The following ZBTB41 variants were observed in gnomAD, a reference collection of about 807,000 sequenced individuals.
ZBTB41 encodes zinc finger and BTB domain-containing protein 41.
ZBTB41 carries 42 observed loss-of-function variants against 87.6 expected under a neutral mutation model. The observed-to-expected ratio is 0.48, with a 90% confidence interval of 0.37 to 0.62. The LOEUF (loss-of-function observed/expected upper bound fraction) is 0.62, where lower values mean the gene tolerates loss of function less well. Ranked by LOEUF, ZBTB41 falls within the 20% of genes least tolerant of loss-of-function variation. ZBTB41 has a pLI of 0.00. For missense variants in ZBTB41, 799 were observed against 1,078.9 expected (o/e 0.74, Z 3.63); for synonymous variants, 364 against 364.0 (o/e 1.00, Z 0.00).
intron 5 of ZBTB41, among the ~76,000 whole-genome samples, chr1:197,186,670 T>TGGTGATTTCAA (rs1557984244): frequency 6.6e-6 from 1 of 152,150 alleles, no homozygotes; most frequent in Non-Finnish European, 1.5e-5. Context: ...AAGACCAGCC[T>TGGTGATTTCAA]GAGTAACCTG....
chr1:197,186,354 G>A (rs1296892862), intron 5 of ZBTB41, among the ~76,000 whole-genome samples: 1 of 150,904 alleles, frequency 6.6e-6, no homozygotes, highest in Non-Finnish European at 1.5e-5. Flanking sequence ...TCACAAAAAT[G>A]TAGATGACCT....
chr1:197,173,500 G>T (rs554746762), intron 9 of ZBTB41, among the ~76,000 whole-genome samples: 4 of 152,186 alleles, frequency 2.6e-5, no homozygotes, highest in African/African-American at 9.6e-5. Flanking sequence ...GAACTCCTGG[G>T]CTCAAGCTAT....
intron 10 of ZBTB41, among the ~76,000 whole-genome samples, chr1:197,171,839 A>T (rs913804544): frequency 6.6e-6 from 1 of 151,998 alleles, no homozygotes; most frequent in African/African-American, 2.4e-5. Flanking sequence ...GCCTTCAGAA[A>T]GCAAAATAAA....
intron 10 of ZBTB41, among the ~76,000 whole-genome samples, chr1:197,167,019 G>T (rs1659363139): frequency 6.6e-6 from 1 of 152,046 alleles, no homozygotes; most frequent in Non-Finnish European, 1.5e-5. Flanking sequence ...CATCTTTTGA[G>T]ACCAGCATAG....
intron 5 of ZBTB41, among the ~76,000 whole-genome samples, chr1:197,187,794 T>G (rs1659921667): frequency 6.6e-6 from 1 of 151,992 alleles, no homozygotes; most frequent in South Asian, 2.1e-4. Flanking sequence ...AAAAAGATCA[T>G]CAAATAGTAG....
chr1:197,188,279 G>A lies in ZBTB41; in HGVS notation c.1546+13C>T, dbSNP rs1281525848. Reference sequence around the variant, plus strand: ...ATTGTCATGACTGCCTTAAGAAAAAGTAACTTGCTTACCCAGATGGAACTT... The same window carrying A: ...ATTGTCATGACTGCCTTAAGAAAAAATAACTTGCTTACCCAGATGGAACTT... On this transcript the variant is annotated intron_variant, in intron 5 of 10. Coordinates refer to ENST00000367405, the MANE Select transcript of ZBTB41 (RefSeq NM_194314.3). 6.2e-7 allele frequency: 1 copy of A among 1,611,372 alleles called. No homozygotes were observed. Among genetic ancestry groups the A allele is most frequent in the Non-Finnish European group, 8.5e-7 (1 of 1,179,364 alleles).
At chr1:197,172,474 T>C (rs1189585568) in intron 9 of ZBTB41, among the ~76,000 whole-genome samples, 1 of 151,986 alleles carries the variant, frequency 6.6e-6, no homozygotes, top group Non-Finnish European at 1.5e-5. Context: ...TCCAGTTACA[T>C]CCAACAAACG....
chr1:197,180,510 T>C (rs1659718431), intron 6 of ZBTB41, among the ~76,000 whole-genome samples: 1 of 151,918 alleles, frequency 6.6e-6, no homozygotes, highest in Non-Finnish European at 1.5e-5. Context: ...CCCACCAATA[T>C]GACAGTCTGT....
chr1:197,186,534 T>C (rs922488369), intron 5 of ZBTB41, among the ~76,000 whole-genome samples: 12 of 152,042 alleles, frequency 7.9e-5, no homozygotes, highest in Admixed American at 2.6e-4. Flanking sequence ...TACAAAGAAC[T>C]CTCAAAACTC....
At position 197,159,102 on chromosome 1, in the gene ZBTB41, T is replaced by C. The variant is rs150590516; in HGVS notation, c.*257A>G. On this transcript the variant is annotated 3_prime_UTR_variant, in exon 11 of 11. Transcript: ENST00000367405. ...ATCAGCAGCTAATAATTGCAAAAAA[T>C]TTAAGAAACCATTAAAAGTTAGCAC... is the stretch of plus-strand genomic sequence containing the variant. 5.5e-6 allele frequency: 2 copies of C among 364,372 alleles called. No individual in the cohort carries two copies. Among genetic ancestry groups the C allele is most frequent in the Non-Finnish European group, 9.8e-6 (2 of 204,294 alleles). The allele number at this position is 364,372 out of a possible 1,614,324, so 22.6% of individuals were successfully genotyped here. A position where few individuals can be genotyped will look rare whatever the true frequency, so the allele number is the denominator to read the frequency against.
In ZBTB41 at chr1:197,200,201, A is replaced by G. The variant is rs1660276755; in HGVS notation, c.273T>C (p.Leu91=). 6.2e-7 allele frequency: 1 copy of G among 1,613,792 alleles called. No homozygotes were observed. Among genetic ancestry groups the G allele is most frequent in the Non-Finnish European group, 8.5e-7 (1 of 1,179,988 alleles). ...TAAATTCTTTTCCTTCCACTATGAT[A>G]AGTAAATCACAAAAAGATGGTTGCT... ...RQKQPSFCDL[L]IIVEGKEFSA... Residue 91 remains leucine (L), a synonymous_variant, in exon 2 of 11, where the codon CTT becomes CTC. Transcript: ENST00000367405.
chr1:197,160,435 G>A (rs564351908), intron 10 of ZBTB41, among the ~76,000 whole-genome samples: 1 of 152,028 alleles, frequency 6.6e-6, no homozygotes, highest in Non-Finnish European at 1.5e-5. Flanking sequence ...CCTCAAAAAG[G>A]TTAAACCAAA....
chr1:197,167,572 A>G (rs149354532), intron 10 of ZBTB41, among the ~76,000 whole-genome samples: 1 of 152,318 alleles, frequency 6.6e-6, no homozygotes, highest in African/African-American at 2.4e-5. Context: ...GCAAGATACT[A>G]TATCAAACCA....
intron 4 of ZBTB41, among the ~76,000 whole-genome samples, chr1:197,188,880 C>T (rs1659950075): frequency 6.6e-6 from 1 of 152,132 alleles, no homozygotes; most frequent in Non-Finnish European, 1.5e-5. Flanking sequence ...TGACATTCAT[C>T]AGGTTTTTAA....
At chr1:197,172,031 C>T (rs996913392) in intron 10 of ZBTB41, 129 bp downstream of exon 10, 1 of 344,016 alleles carries the variant, frequency 2.9e-6, no homozygotes, top group African/African-American at 2.2e-5. Flanking sequence ...AAGTAAAAAT[C>T]TTAATGGGGA....
chr1:197,196,195 TA>T (rs1325459276), intron 2 of ZBTB41, among the ~76,000 whole-genome samples: 1 of 152,184 alleles, frequency 6.6e-6, no homozygotes, highest in African/African-American at 2.4e-5. Context: ...GGTGGCATTT[TA>T]AAATTCTACG....
chr1:197,174,221 G>C (rs1240479571), intron 9 of ZBTB41, among the ~76,000 whole-genome samples: 1 of 152,042 alleles, frequency 6.6e-6, no homozygotes, highest in East Asian at 1.9e-4. Flanking sequence ...CTGAAGCAGA[G>C]ATGTCAGTAA....
chr1:197,201,292 C>T lies in ZBTB41; in HGVS notation c.-187G>A, dbSNP rs919550074. On this transcript the variant is annotated 5_prime_UTR_variant, in exon 1 of 11. Coordinates refer to ENST00000367405, the MANE Select transcript of ZBTB41 (RefSeq NM_194314.3). ...ACTCTGGGCGCGCTCGCTCCTGCGCCTACCCACTTCCGGGTTCAGCCCCCC... is the reference window on the plus strand; with the variant it reads ...ACTCTGGGCGCGCTCGCTCCTGCGCTTACCCACTTCCGGGTTCAGCCCCCC... Among the ~76,000 whole-genome samples the T allele has an allele frequency of 6.6e-6, 1 of 152,174 alleles. No individual in the cohort carries two copies. Among genetic ancestry groups the T allele is most frequent in the African/African-American group, 2.4e-5 (1 of 41,448 alleles).
intron 2 of ZBTB41, among the ~76,000 whole-genome samples, chr1:197,195,526 G>A (rs1265597730): frequency 6.6e-6 from 1 of 152,146 alleles, no homozygotes; most frequent in Admixed American, 6.5e-5. Context: ...TAGCCTTAGA[G>A]AGTTGTGCCA....
Sources: allele counts gnomAD v4.1 joint callset (sites outside exome capture counted in the v4.1 genomes callset), GRCh38; gene constraint gnomAD v4.1.1; transcripts MANE v1.5; gene names NCBI Gene and HGNC (gene_info 2026-07-23, HGNC 2026-07-21).